Variants in PIEZO2 observed in about 807,000 individuals in gnomAD.
PIEZO2 encodes piezo type mechanosensitive ion channel component 2.
Under a neutral mutation model 337.3 loss-of-function variants are expected in PIEZO2, and 172 were observed. That is an observed-to-expected ratio of 0.51 (90% CI 0.45 to 0.58). PIEZO2 has a LOEUF of 0.58. PIEZO2 is among the 20% of genes least tolerant of loss of function. PIEZO2 has a pLI of 0.00. For missense variants in PIEZO2, 3,028 were observed against 3,391.3 expected, an observed-to-expected ratio of 0.89 and a Z score of 2.66; for synonymous variants, 1,251 against 1,228.5, an observed-to-expected ratio of 1.02 and a Z score of -0.38.
chr18:11,041,103 T>C (rs759869943), intron 2 of PIEZO2, among the ~76,000 whole-genome samples: 17 of 152,128 alleles, frequency 1.1e-4, no homozygotes, highest in Non-Finnish European at 4.4e-5. Flanking sequence ...CCAAGGCAGG[T>C]GGGAGAAAAG....
intron 7 of PIEZO2, among the ~76,000 whole-genome samples, chr18:10,816,376 T>A (rs16975409): frequency 0.18 from 28,109 of 152,192 alleles, 2,649 homozygotes; most frequent in Middle Eastern, 0.24. Context: ...AGCACTTACA[T>A]GTTTTCTATA....
chr18:11,027,940 G>C lies in PIEZO2; in HGVS notation c.160+38187C>G, dbSNP rs1263332780. Among the ~76,000 whole-genome samples, 2 of 152,224 alleles carry C rather than the reference G, an allele frequency of 1.3e-5. No individual in the cohort carries two copies. Among genetic ancestry groups the C allele is most frequent in the Non-Finnish European group, 2.9e-5 (2 of 68,050 alleles). On this transcript the variant is annotated intron_variant, in intron 2 of 55. Transcript: ENST00000674853. This position sits in a 1 kb window ranked among gnomAD's most constrained non-coding sequence, Gnocchi z 4.2. Reference sequence around the variant, plus strand: ...GAAGAGCCTTCGTAGAGTACTCTTTGATAAATTCTTCAAACACTGTTTCTG... The same window carrying C: ...GAAGAGCCTTCGTAGAGTACTCTTTCATAAATTCTTCAAACACTGTTTCTG...
At chr18:10,924,390 C>T (rs1285876278) in intron 3 of PIEZO2, among the ~76,000 whole-genome samples, 1 of 152,184 alleles carries the variant, frequency 6.6e-6, no homozygotes, top group East Asian at 1.9e-4. Flanking sequence ...GTAACTTACT[C>T]ATTTAAACTT....
rs1286154098 is a variant in PIEZO2 at position 10,853,757 on chromosome 18, C to T, written c.917+1596G>A. ...TCAATCTATTATGTTGGTTGTTAAG[C>T]CATTTTTAAGTTGCAGACATCAAGG... is the stretch of plus-strand genomic sequence containing the variant. On this transcript the variant is annotated intron_variant, in intron 7 of 55. Transcript: ENST00000674853. The surrounding 1 kb of genome is among the most constrained non-coding windows in gnomAD (Gnocchi z 4.2). 1.3e-5 allele frequency among the ~76,000 whole-genome samples: 2 copies of T among 152,114 alleles called. No individual in the cohort carries two copies. Among genetic ancestry groups the T allele is most frequent in the Admixed American group, 6.6e-5 (1 of 15,262 alleles).
At chr18:10,700,507 T>C (rs2035286191) in intron 43 of PIEZO2, among the ~76,000 whole-genome samples, 1 of 151,986 alleles carries the variant, frequency 6.6e-6, no homozygotes, top group Admixed American at 6.6e-5. Context: ...AAGATCAATA[T>C]GAAACACCAA....
intron 49 of PIEZO2, among the ~76,000 whole-genome samples, chr18:10,684,217 G>A (rs570674217): frequency 7.9e-6 from 1 of 126,346 alleles, no homozygotes; most frequent in South Asian, 2.8e-4. Context: ...CCAGGCTGGA[G>A]TGCAGTGGCG....
In PIEZO2 at chr18:10,830,142, T is replaced by C. The variant is rs924709274; in HGVS notation, c.918-22868A>G. On this transcript the variant is annotated intron_variant, in intron 7 of 55. Coordinates refer to ENST00000674853, the MANE Select transcript of PIEZO2 (RefSeq NM_001378183.1). This position sits in a 1 kb window ranked among gnomAD's most constrained non-coding sequence, Gnocchi z 4.7. ...AATAGGGAAGCCAGTAATTCATACA[T>C]CTACAGTGAACTTGCTTTTGACAAA... is the stretch of plus-strand genomic sequence containing the variant. Among the ~76,000 whole-genome samples the C allele has an allele frequency of 1.8e-4, 27 of 152,112 alleles. No homozygotes were observed. The highest frequency in any genetic ancestry group is 5.6e-4 in the African/African-American group (23 of 41,428).
Position 11,110,410 on chromosome 18 carries a change from A to G in PIEZO2, c.64+38115T>C, listed in dbSNP as rs1488702040. On this transcript the variant is annotated intron_variant, in intron 1 of 55. Transcript: ENST00000674853. The surrounding 1 kb of genome is among the most constrained non-coding windows in gnomAD (Gnocchi z 4.2). ...ACCCTGGGAGTTGGGCCTCCCCCGC[A>G]TTCTGGCTGACAGGGCTTCAGCATG... is the stretch of plus-strand genomic sequence containing the variant. Among the ~76,000 whole-genome samples, 2 of 152,238 alleles carry G rather than the reference A, an allele frequency of 1.3e-5. No homozygotes were observed. Among genetic ancestry groups the G allele is most frequent in the African/African-American group, 4.8e-5 (2 of 41,466 alleles).
Position 10,808,210 on chromosome 18 carries a change from T to C in PIEZO2, c.918-936A>G, listed in dbSNP as rs982638338. ...CTCACATGATCCTCCTGCCTTGGCC[T>C]CCCAAGTCGCTAGGAACACAAGGGT... On this transcript the variant is annotated intron_variant, in intron 7 of 55. Transcript: ENST00000674853. Among the ~76,000 whole-genome samples, 6 of 152,260 alleles carry C rather than the reference T, an allele frequency of 3.9e-5. No homozygotes were observed. The South Asian group carries it at 1.2e-3, about 32-fold the overall frequency.
intron 48 of PIEZO2, 35 bp from the exon 49 acceptor site, chr18:10,689,837 G>A (rs764752306): frequency 1.1e-5 from 18 of 1,575,974 alleles, no homozygotes; most frequent in African/African-American, 2.7e-5. Flanking sequence ...AGAGACATTC[G>A]TGGGTGGCCC....
At chr18:10,691,562 T>G (rs992809197) in intron 47 of PIEZO2, among the ~76,000 whole-genome samples, 179 bp from the exon 48 acceptor site, 13 of 151,844 alleles carry the variant, frequency 8.6e-5, no homozygotes, top group African/African-American at 3.1e-4. Context: ...ATAAAAAAAT[T>G]CAATAATTAA....
chr18:11,079,955 A>T (rs892720130), intron 1 of PIEZO2, among the ~76,000 whole-genome samples: 8 of 152,216 alleles, frequency 5.3e-5, no homozygotes, highest in African/African-American at 1.7e-4. Context: ...AGGTTGTCAA[A>T]TTGTTTATAG....
At chr18:10,901,693 T>A (rs1318001698) in intron 4 of PIEZO2, among the ~76,000 whole-genome samples, 1 of 152,162 alleles carries the variant, frequency 6.6e-6, no homozygotes, top group Non-Finnish European at 1.5e-5. Flanking sequence ...AACTGATGAA[T>A]ACATAATATG....
At chr18:10,978,067 A>C (rs1362951542) in intron 3 of PIEZO2, among the ~76,000 whole-genome samples, 1 of 152,198 alleles carries the variant, frequency 6.6e-6, no homozygotes, top group East Asian at 1.9e-4. Flanking sequence ...TCACGCCTGT[A>C]ATCCCAGCAC....
intron 4 of PIEZO2, among the ~76,000 whole-genome samples, chr18:10,887,576 A>T (rs1035625784): frequency 6.6e-6 from 1 of 152,196 alleles, no homozygotes; most frequent in African/African-American, 2.4e-5. Flanking sequence ...ACAGGAAACC[A>T]GCATTGACAC....
rs1185530203 is a variant in PIEZO2 at position 10,794,742 on chromosome 18, G to A, written c.1758+30C>T. On this transcript the variant is annotated intron_variant, in intron 13 of 55. Transcript: ENST00000674853. The surrounding 1 kb of genome is among the most constrained non-coding windows in gnomAD (Gnocchi z 6.6). ...ATGATGATTGTGGTTTTGTGTCATT[G>A]TTTTGTTTTATTGTATTCTATTCAC... 17 of 1,421,394 alleles carry A rather than the reference G, an allele frequency of 1.2e-5. No homozygotes were observed. The highest frequency in any genetic ancestry group is 1.6e-5 in the Non-Finnish European group (17 of 1,060,414). The allele number at this position is 1,421,394 out of a possible 1,614,324, so 88.0% of individuals were successfully genotyped here.
chr18:10,933,632 A>G (rs775528115), intron 3 of PIEZO2, among the ~76,000 whole-genome samples: 5 of 152,136 alleles, frequency 3.3e-5, no homozygotes, highest in Non-Finnish European at 7.3e-5. Flanking sequence ...AACCCTGCAC[A>G]CTATCACTGT....
In PIEZO2 at chr18:10,789,329, G is replaced by T. The variant is rs545457587; in HGVS notation, c.1919C>A (p.Pro640His). 1.9e-5 allele frequency: 29 copies of T among 1,536,490 alleles called. No individual in the cohort carries two copies. In the East Asian group the frequency reaches 7.1e-4, roughly 38 times the overall value. The change falls in exon 15 of 56, where the codon CCC becomes CAC. Residue 640 changes from proline to histidine, a missense_variant. This residue lies in a region of PIEZO2 where 1,925 missense variants were observed against 2,051.9 expected (regional missense o/e 0.94). Coordinates refer to ENST00000674853, the MANE Select transcript of PIEZO2 (RefSeq NM_001378183.1). ...ELQDIQVEGE[P>H]KEEEEEEAKE... ...CGCTTCCTCTTCTTCCTCCTCTTTGGGCTCTCCTTCCACTTGTATATCTTG... is the reference window on the plus strand; with the variant it reads ...CGCTTCCTCTTCTTCCTCCTCTTTGTGCTCTCCTTCCACTTGTATATCTTG...
intron 8 of PIEZO2, 98 bp from the exon 9 acceptor site, chr18:10,804,092 G>T: frequency 7.2e-7 from 1 of 1,388,032 alleles, no homozygotes; most frequent in Non-Finnish European, 9.5e-7. Context: ...TCAGTATGAT[G>T]ACTTTTCAAA....
Sources: gnomAD v4.1 joint callset for allele counts (sites outside exome capture counted in the v4.1 genomes callset) on GRCh38, gnomAD v4.1.1 for gene constraint, gnomAD v4.1.1 regional missense constraint, Gnocchi (gnomAD v3.1) non-coding constraint, MANE v1.5 for transcripts, NCBI Gene and HGNC (gene_info 2026-07-23, HGNC 2026-07-21) for gene names.